The following CCDC102B variants were observed in gnomAD, a reference collection of about 807,000 sequenced individuals.
The protein encoded by CCDC102B is coiled-coil domain-containing protein 102B.
A neutral mutation model predicts 57.4 loss-of-function variants in CCDC102B; 75 were observed. The observed-to-expected ratio is 1.31, with a 90% confidence interval of 1.08 to 1.58. The LOEUF (loss-of-function observed/expected upper bound fraction) is 1.58. CCDC102B is among the 40% of genes most tolerant of loss of function. The pLI, the probability that CCDC102B is intolerant of heterozygous loss-of-function variation, is 0.00. For missense variants in CCDC102B, 636 were observed against 582.6 expected, an observed-to-expected ratio of 1.09 and a Z score of -0.94; for synonymous variants, 206 against 201.9, an observed-to-expected ratio of 1.02 and a Z score of -0.17.
intron 6 of CCDC102B, among the ~76,000 whole-genome samples, chr18:68,999,875 G>A (rs898651999): frequency 1.1e-4 from 17 of 152,218 alleles, no homozygotes; most frequent in Middle Eastern, 3.4e-3. Flanking sequence ...ATCAAATAGT[G>A]CATTATCAGT....
At position 68,857,276 on chromosome 18, in the gene CCDC102B, T is replaced by TTATTTAAATATATA. The variant is rs2038489347; in HGVS notation, c.936+10855_936+10856insTATTTAAATATATA. On this transcript the variant is annotated intron_variant, in intron 4 of 7. Transcript: ENST00000360242. The stretch of plus-strand genomic sequence containing the variant: ...TTATTTAAATATATAAATATATATA[T>TTATTTAAATATATA]AATATATATTTATATATTATATATA... 2.2e-4 allele frequency among the ~76,000 whole-genome samples: 6 copies of TTATTTAAATATATA among 27,902 alleles called. 1 individual carries two copies. The highest frequency in any genetic ancestry group is 5.6e-4 in the African/African-American group (6 of 10,776). 18.3% of individuals were successfully genotyped at this position (27,902 alleles called of 152,430 possible).
intron 7 of CCDC102B, among the ~76,000 whole-genome samples, chr18:69,047,209 A>T (rs892997226): frequency 8.5e-5 from 13 of 152,172 alleles, no homozygotes; most frequent in Non-Finnish European, 1.5e-4. Context: ...AAGCTAATGC[A>T]TCATGATCAA....
At chr18:68,897,157 T>C in intron 5 of CCDC102B, 62 bp from the exon 6 acceptor site, 2 of 1,266,924 alleles carry the variant, frequency 1.6e-6, no homozygotes, top group Non-Finnish European at 2.2e-6. Context: ...TGGTTGTGGG[T>C]GGCATTATCT....
At chr18:69,043,119 G>A (rs1239881414) in intron 7 of CCDC102B, among the ~76,000 whole-genome samples, 1 of 152,048 alleles carries the variant, frequency 6.6e-6, no homozygotes, top group African/African-American at 2.4e-5. Context: ...TGTGAACAAA[G>A]GTCTTTGCAT....
At chr18:68,978,030 G>A (rs1324656002) in intron 6 of CCDC102B, among the ~76,000 whole-genome samples, 1 of 152,004 alleles carries the variant, frequency 6.6e-6, no homozygotes. Context: ...AGCATAATGT[G>A]AAGGTAACAA....
chr18:68,886,554 CT>C (rs2039892516), intron 5 of CCDC102B, among the ~76,000 whole-genome samples: 1 of 151,994 alleles, frequency 6.6e-6, no homozygotes, highest in South Asian at 2.1e-4. Context: ...TAAAAAGATT[CT>C]TGATATATTG....
At chr18:68,733,478 T>TTATATA (rs1301629816) in intron 2 of CCDC102B, among the ~76,000 whole-genome samples, 5 of 25,132 alleles carry the variant, frequency 2.0e-4, no homozygotes, top group African/African-American at 8.1e-4. Flanking sequence ...TTAGACAACT[T>TTATATA]TATATATATA....
rs188458898 is a variant in CCDC102B at position 68,843,540 on chromosome 18, C to T, written c.828-2773C>T. On this transcript the variant is annotated intron_variant, in intron 3 of 7. Transcript: ENST00000360242. ...CAAAAAATGCATAGAAATAAAATCA[C>T]ATCTTTTCATAAAAATAATTTTGGT... Among the ~76,000 whole-genome samples the T allele has an allele frequency of 3.9e-4, 59 of 152,142 alleles. 1 individual carries two copies. The highest frequency in any genetic ancestry group is 6.9e-4 in the Non-Finnish European group (47 of 67,938).
chr18:68,866,082 T>C (rs1371754829), intron 4 of CCDC102B, among the ~76,000 whole-genome samples: 1 of 152,220 alleles, frequency 6.6e-6, no homozygotes, highest in Non-Finnish European at 1.5e-5. Flanking sequence ...TTCATCTATC[T>C]CATTAAGAGA....
chr18:68,805,178 C>T (rs980494142), intron 1 of CCDC102B, among the ~76,000 whole-genome samples: 15 of 152,202 alleles, frequency 9.9e-5, no homozygotes, highest in Admixed American at 5.9e-4. Context: ...GAAAAACCCC[C>T]GCAATCTCAA....
At chr18:68,807,614 A>C (rs993444010) in intron 1 of CCDC102B, among the ~76,000 whole-genome samples, 22 of 152,108 alleles carry the variant, frequency 1.4e-4, no homozygotes, top group African/African-American at 5.3e-4. Flanking sequence ...TGTTTTAGGG[A>C]CTGGAAAGAC....
intron 7 of CCDC102B, among the ~76,000 whole-genome samples, chr18:69,028,673 T>A (rs2145437906): frequency 6.6e-6 from 1 of 152,090 alleles, no homozygotes; most frequent in Admixed American, 6.6e-5. Flanking sequence ...AGGAGAAGTA[T>A]AATTGCATTT....
intron 7 of CCDC102B, among the ~76,000 whole-genome samples, chr18:69,027,127 T>C (rs951354567): frequency 7.9e-5 from 12 of 152,210 alleles, no homozygotes; most frequent in African/African-American, 2.9e-4. Context: ...TTAAAAATGG[T>C]CGTTTTCCAC....
intron 2 of CCDC102B, among the ~76,000 whole-genome samples, chr18:68,746,423 T>C (rs937112820): frequency 6.6e-6 from 1 of 152,170 alleles, no homozygotes; most frequent in Non-Finnish European, 1.5e-5. Flanking sequence ...GAAATAAATC[T>C]TAAACAGGTT....
chr18:68,921,276 G>A (rs1030899990), intron 6 of CCDC102B, among the ~76,000 whole-genome samples: 3 of 152,134 alleles, frequency 2.0e-5, no homozygotes, highest in Admixed American at 6.6e-5. Context: ...AGTCTTTCCT[G>A]TGCTGTTCTT....
At chr18:68,957,557 G>GTC (rs2049933482) in intron 6 of CCDC102B, among the ~76,000 whole-genome samples, 1 of 131,732 alleles carries the variant, frequency 7.6e-6, no homozygotes. Context: ...GATTCTTCCA[G>GTC]TTTTTTTTTT....
chr18:68,901,195 T>C (rs2040439296), intron 6 of CCDC102B, among the ~76,000 whole-genome samples: 1 of 152,170 alleles, frequency 6.6e-6, no homozygotes, highest in Admixed American at 6.5e-5. Flanking sequence ...GTGTGATAAG[T>C]CTATATTTGA....
At chr18:68,936,350 C>T (rs1020476174) in intron 6 of CCDC102B, among the ~76,000 whole-genome samples, 1 of 151,998 alleles carries the variant, frequency 6.6e-6, no homozygotes, top group South Asian at 2.1e-4. Context: ...GCAAAAATAA[C>T]GCTTGGTATT....
intron 7 of CCDC102B, among the ~76,000 whole-genome samples, chr18:69,028,895 A>T (rs879698001): frequency 1.3e-5 from 2 of 151,908 alleles, no homozygotes; most frequent in African/African-American, 4.8e-5. Context: ...TAAAAAAAAA[A>T]CTAGAATTTC....
Sources: gnomAD v4.1 joint callset for allele counts (sites outside exome capture counted in the v4.1 genomes callset) on GRCh38, gnomAD v4.1.1 for gene constraint, MANE v1.5 for transcripts, NCBI Gene and HGNC (gene_info 2026-07-23, HGNC 2026-07-21) for gene names.